The following FBXW11 variants were observed in gnomAD, a reference collection of about 807,000 sequenced individuals.
FBXW11 encodes F-box/WD repeat-containing protein 11.
In FBXW11, 19 loss-of-function variants were observed where a neutral mutation model predicts 77.6. That is an observed-to-expected ratio of 0.24 (90% confidence interval 0.17 to 0.36). The LOEUF (loss-of-function observed/expected upper bound fraction) is 0.36, where lower values mean the gene tolerates loss of function less well. FBXW11 is among the 10% of genes least tolerant of loss of function. FBXW11 has a pLI of 1.00. For missense variants in FBXW11, 334 were observed against 704.2 expected, an observed-to-expected ratio of 0.47 and a Z score of 5.95; for synonymous variants, 235 against 249.4, an observed-to-expected ratio of 0.94 and a Z score of 0.54.
At chr5:172,003,080 G>A (rs551901722) in intron 1 of FBXW11, 2 of 152,226 alleles carry the variant, frequency 1.3e-5, no homozygotes, top group South Asian at 4.1e-4. Context: ...AGACAGAAGG[G>A]AAATGACTCA....
At chr5:171,949,959 TA>T (rs1763218205) in intron 2 of FBXW11, among the ~76,000 whole-genome samples, 1 of 152,088 alleles carries the variant, frequency 6.6e-6, no homozygotes, top group Non-Finnish European at 1.5e-5. Flanking sequence ...CCTAAGAAAA[TA>T]ATCACAGAAG....
intron 1 of FBXW11, among the ~76,000 whole-genome samples, chr5:171,973,878 G>A (rs1386623872): frequency 1.3e-5 from 2 of 151,990 alleles, no homozygotes; most frequent in Non-Finnish European, 2.9e-5. Flanking sequence ...TATGAAACAG[G>A]CAAATATGAA....
intron 1 of FBXW11, among the ~76,000 whole-genome samples, chr5:171,971,299 T>C (rs1764516605): frequency 6.6e-6 from 1 of 152,164 alleles, no homozygotes; most frequent in African/African-American, 2.4e-5. Flanking sequence ...AACAACACTC[T>C]GGAACTTCTC....
chr5:171,935,889 T>C (rs1762448854), intron 2 of FBXW11, among the ~76,000 whole-genome samples: 1 of 151,886 alleles, frequency 6.6e-6, no homozygotes, highest in Non-Finnish European at 1.5e-5. Context: ...GGCGGGCTGA[T>C]CACCTGAGGT....
chr5:171,871,765 T>C (rs1190569066), intron 10 of FBXW11, among the ~76,000 whole-genome samples: 4 of 152,234 alleles, frequency 2.6e-5, no homozygotes, highest in Non-Finnish European at 5.9e-5. Context: ...GAATGTATTT[T>C]ATTACAGCTG....
rs963358222 is a variant in FBXW11 at position 171,878,085 on chromosome 5, T to A, written c.897A>T (p.Gly299=). ...TSLECLKVLT[G]HTGSVLCLQY... ...GCAGACAGAGGACAGAGCCTGTGTGTCCTGTTAACACTTTCAAACATTCCA... is the reference window on the plus strand; with the variant it reads ...GCAGACAGAGGACAGAGCCTGTGTGACCTGTTAACACTTTCAAACATTCCA... Residue 299 remains glycine, a synonymous_variant, in exon 8 of 14, where the codon GGA becomes GGT. Transcript: ENST00000517395. The A allele has an allele frequency of 1.2e-5, 19 of 1,614,118 alleles. No individual in the cohort carries two copies. The highest frequency in any genetic ancestry group is 1.6e-5 in the Non-Finnish European group (19 of 1,179,976).
intron 6 of FBXW11, among the ~76,000 whole-genome samples, chr5:171,894,709 T>C (rs897926786): frequency 2.1e-4 from 20 of 94,304 alleles, no homozygotes; most frequent in Non-Finnish European, 4.4e-4. Context: ...TTTTTTTTTC[T>C]AGAAAAACCA....
intron 2 of FBXW11, among the ~76,000 whole-genome samples, chr5:171,956,053 C>G (rs766567157): frequency 1.3e-5 from 2 of 152,160 alleles, no homozygotes; most frequent in Non-Finnish European, 2.9e-5. Flanking sequence ...ACTTCAAGAC[C>G]TCACTAACAA....
chr5:171,866,338 A>G (rs1160310630), intron 13 of FBXW11, among the ~76,000 whole-genome samples: 1 of 152,190 alleles, frequency 6.6e-6, no homozygotes, highest in East Asian at 1.9e-4. Context: ...TGTTAAAAGT[A>G]ATAAAATTGA....
chr5:171,995,637 C>T (rs1765997110), intron 1 of FBXW11, among the ~76,000 whole-genome samples: 1 of 151,934 alleles, frequency 6.6e-6, no homozygotes, highest in African/African-American at 2.4e-5. Flanking sequence ...GCCTGTAGTC[C>T]CAGCTACTTG....
chr5:171,967,667 C>T (rs1054440906), intron 1 of FBXW11, among the ~76,000 whole-genome samples: 2 of 151,762 alleles, frequency 1.3e-5, no homozygotes, highest in African/African-American at 4.8e-5. Context: ...TGGAAAAACC[C>T]CGTCTCTACT....
intron 1 of FBXW11, 38 bp downstream of exon 1, chr5:172,006,420 C>T: frequency 6.6e-7 from 1 of 1,510,990 alleles, no homozygotes; most frequent in Non-Finnish European, 8.9e-7. Flanking sequence ...CGGGGCCGGA[C>T]GGACGGAAGC....
intron 7 of FBXW11, among the ~76,000 whole-genome samples, chr5:171,881,293 C>T (rs972293964): frequency 2.0e-5 from 3 of 152,044 alleles, no homozygotes; most frequent in African/African-American, 7.2e-5. Context: ...TATTCCTGAC[C>T]TTAGTGGGAA....
Position 171,887,569 on chromosome 5 carries a change from A to G in FBXW11, c.852+3898T>C, listed in dbSNP as rs1758999247. ...TCTGAAAAGTAAGGGGAAAGAGGGG[A>G]CAACAGGTAGATGTGGCAAGGGGTC... On this transcript the variant is annotated intron_variant, in intron 7 of 13. Coordinates refer to ENST00000517395, the MANE Select transcript of FBXW11 (RefSeq NM_001378974.1). 2.0e-5 allele frequency among the ~76,000 whole-genome samples: 3 copies of G among 152,160 alleles called. No homozygotes were observed. In the South Asian group the frequency reaches 6.2e-4, roughly 31 times the overall value.
At chr5:171,879,901 C>A (rs1027730727) in intron 7 of FBXW11, among the ~76,000 whole-genome samples, 27 of 152,120 alleles carry the variant, frequency 1.8e-4, no homozygotes, top group Non-Finnish European at 3.5e-4. Context: ...ATTCTCCAGA[C>A]AATGTCTCTC....
chr5:171,915,466 T>G (rs1051249717), intron 2 of FBXW11, among the ~76,000 whole-genome samples: 2 of 152,160 alleles, frequency 1.3e-5, no homozygotes, highest in African/African-American at 2.4e-5. Flanking sequence ...AATACCAATG[T>G]AGGTAATGAT....
chr5:171,974,271 C>T (rs1327339993), intron 1 of FBXW11, among the ~76,000 whole-genome samples: 2 of 151,950 alleles, frequency 1.3e-5, no homozygotes, highest in Non-Finnish European at 1.5e-5. Context: ...CCCATCTCTA[C>T]TAAAAACACA....
At chr5:171,950,762 C>G (rs1474333578) in intron 2 of FBXW11, among the ~76,000 whole-genome samples, 1 of 152,154 alleles carries the variant, frequency 6.6e-6, no homozygotes, top group Non-Finnish European at 1.5e-5. Context: ...TGGCGCACAC[C>G]TGTCGTCCCA....
At chr5:171,875,801 T>C (rs901699183) in intron 9 of FBXW11, among the ~76,000 whole-genome samples, 3 of 152,048 alleles carry the variant, frequency 2.0e-5, no homozygotes, top group Non-Finnish European at 4.4e-5. Context: ...CATCATCATA[T>C]CCCTAGCATC....
Sources: gnomAD v4.1 joint callset for allele counts (sites outside exome capture counted in the v4.1 genomes callset) on GRCh38, gnomAD v4.1.1 for gene constraint, MANE v1.5 for transcripts, NCBI Gene and HGNC (gene_info 2026-07-23, HGNC 2026-07-21) for gene names.